PTPRH: variants seen among roughly 807,000 people sequenced by gnomAD.
The protein encoded by PTPRH is protein tyrosine phosphatase receptor type H, also known as receptor-type tyrosine-protein phosphatase H.
In PTPRH, 113 loss-of-function variants were observed where a neutral mutation model predicts 130.2. That is an observed-to-expected ratio of 0.87 (90% CI 0.75 to 1.01). The LOEUF is 1.01. Ranked by LOEUF, PTPRH falls within the 50% of genes least tolerant of loss-of-function variation. PTPRH has a pLI of 0.00. For missense variants in PTPRH, 1,430 were observed against 1,425.0 expected, an observed-to-expected ratio of 1.00 and a Z score of -0.06; for synonymous variants, 556 against 577.9, an observed-to-expected ratio of 0.96 and a Z score of 0.54.
At position 55,204,641 on chromosome 19, in the gene PTPRH, C is replaced by G. The variant is rs76627461; in HGVS notation, c.620-593G>C. Among the ~76,000 whole-genome samples, 4 of 151,964 alleles carry G rather than the reference C, an allele frequency of 2.6e-5. No individual in the cohort carries two copies. In the East Asian group the frequency reaches 7.7e-4, roughly 29 times the overall value. ...TCACTTGCCAATGTATTTCCATCAG[C>G]TCTCAGAGACCCGGATGCTGCCCAC... On this transcript the variant is annotated intron_variant, in intron 4 of 19. Transcript: ENST00000376350.
intron 12 of PTPRH, chr19:55,189,843 A>C: frequency 2.3e-6 from 1 of 426,706 alleles, no homozygotes; most frequent in South Asian, 1.7e-5. Context: ...AAAATTAAAA[A>C]ATTAGCCAGG....
In PTPRH at chr19:55,183,144, C is replaced by T. The variant is rs552765740; in HGVS notation, c.3063-993G>A. Among the ~76,000 whole-genome samples the T allele has an allele frequency of 4.0e-5, 6 of 148,188 alleles. No individual in the cohort carries two copies. The South Asian group carries it at 1.3e-3, about 32-fold the overall frequency. On this transcript the variant is annotated intron_variant, in intron 18 of 19. Transcript: ENST00000376350. The stretch of plus-strand genomic sequence containing the variant: ...GGCACAGTGGCTCACGCCTGTAATC[C>T]CAGCACTTTGGGAGGCTGAGGTGGG...
rs377115239 is a variant in PTPRH, at chr19:55,202,270, G to A, written c.939C>T (p.Ile313=). The stretch of plus-strand genomic sequence containing the variant: ...CATCGGGGACCTCCCAGGTCAGGGC[G>A]ATGGAGCTGTTGGTCTGAGCCTCCA... The part of the protein sequence containing the change: ...LTVEAQTNSS[I]ALTWEVPDGP... Residue 313 remains isoleucine (I), a synonymous_variant, in exon 6 of 20, where the codon ATC becomes ATT. Transcript: ENST00000376350. The A allele has an allele frequency of 1.5e-5, 25 of 1,614,220 alleles. No homozygotes were observed. Among genetic ancestry groups the A allele is most frequent in the African/African-American group, 9.3e-5 (7 of 75,068 alleles).
At chr19:55,190,936 G>A (rs1415261360) in intron 12 of PTPRH, among the ~76,000 whole-genome samples, 1 of 152,096 alleles carries the variant, frequency 6.6e-6, no homozygotes, top group African/African-American at 2.4e-5. Flanking sequence ...CTACCTCCCA[G>A]GTTCACGCCA....
At position 55,189,602 on chromosome 19, in the gene PTPRH, G is replaced by A. The variant is rs763241771; in HGVS notation, c.2385-1434C>T. 2.0e-5 allele frequency: 9 copies of A among 440,226 alleles called. No homozygotes were observed. The East Asian group carries it at 2.9e-4, about 14-fold the overall frequency. The allele number at this position is 440,226 out of a possible 1,614,324, so 27.3% of individuals were successfully genotyped here. ...GAGCGCCTTTCCCAGATGCATGCTC[G>A]GCTCCTCTCCCACTTGCGTAGGCCT... On this transcript the variant is annotated intron_variant, in intron 12 of 19. Coordinates refer to ENST00000376350, the MANE Select transcript of PTPRH (RefSeq NM_002842.5).
rs932203607 is a variant in PTPRH at position 55,204,029 on chromosome 19, G to T, written c.639C>A (p.Asn213Lys). The change falls in exon 5 of 20, where the codon AAC (asparagine) becomes AAA (lysine). Residue 213 changes from asparagine (N) to lysine (K), a missense_variant. By Grantham distance (94) the Asn-to-Lys change is moderately conservative. Coordinates refer to ENST00000376350, the MANE Select transcript of PTPRH (RefSeq NM_002842.5). ...TGGTGGTCTGAGCCTCCACTCTCAG[G>T]TTCCTCACTGGGTTGTGAGCTGAGA... ...NATTAHNPVRNLRVEAQTTSS... is the reference protein window; with the variant it reads ...NATTAHNPVRKLRVEAQTTSS... The T allele has an allele frequency of 6.2e-7, 1 of 1,613,848 alleles. No individual in the cohort carries two copies. The highest frequency in any genetic ancestry group is 8.5e-7 in the Non-Finnish European group (1 of 1,179,800).
At chr19:55,191,055 G>A (rs2086521054) in intron 12 of PTPRH, among the ~76,000 whole-genome samples, 1 of 152,128 alleles carries the variant, frequency 6.6e-6, no homozygotes, top group South Asian at 2.1e-4. Flanking sequence ...CGTTAGCCAG[G>A]ATGGTCTTGA....
chr19:55,195,290 A>T (rs1386577341), intron 10 of PTPRH, among the ~76,000 whole-genome samples: 1 of 152,102 alleles, frequency 6.6e-6, no homozygotes, highest in Admixed American at 6.6e-5. Context: ...GCACCACTGC[A>T]CTCCAGCCTG....
At chr19:55,193,038 G>C (rs762225946) in intron 10 of PTPRH, among the ~76,000 whole-genome samples, 4 of 151,616 alleles carry the variant, frequency 2.6e-5, no homozygotes, top group Non-Finnish European at 2.9e-5. Context: ...AGACCAGCCT[G>C]GGCAACATAA....
chr19:55,202,944 CAGG>C (rs1296632235), intron 5 of PTPRH, among the ~76,000 whole-genome samples: 2 of 151,720 alleles, frequency 1.3e-5, no homozygotes, highest in African/African-American at 4.8e-5. Context: ...GAGGCTGAGG[CAGG>C]AGAATACTTG....
chr19:55,205,170 C>T (rs780622550), intron 4 of PTPRH, among the ~76,000 whole-genome samples, 156 bp downstream of exon 4: 3 of 152,308 alleles, frequency 2.0e-5, no homozygotes, highest in Admixed American at 6.5e-5. Context: ...ACATTCATTC[C>T]TTCTTCATCT....
rs1201673812 is a variant in PTPRH at position 55,187,717 on chromosome 19, C to T, written c.2476-114G>A. On this transcript the variant is annotated intron_variant, in intron 13 of 19. Coordinates refer to ENST00000376350, the MANE Select transcript of PTPRH (RefSeq NM_002842.5). Reference sequence around the variant, plus strand: ...CATCACCCCTTGTTTATTCGTTGCACCCTGAGATTATATGGCACCCACAAA... The same window carrying T: ...CATCACCCCTTGTTTATTCGTTGCATCCTGAGATTATATGGCACCCACAAA... 1.2e-5 allele frequency: 9 copies of T among 755,692 alleles called. No homozygotes were observed. The East Asian group carries it at 2.4e-4, about 20-fold the overall frequency. 46.8% of individuals were successfully genotyped at this position (755,692 alleles called of 1,614,324 possible). A position where few individuals can be genotyped will look rare whatever the true frequency, so the allele number is the denominator to read the frequency against.
chr19:55,187,126 A>G (rs1599983228), intron 14 of PTPRH, among the ~76,000 whole-genome samples: 1 of 151,306 alleles, frequency 6.6e-6, no homozygotes, highest in Non-Finnish European at 1.5e-5. Context: ...CGGGCAGATC[A>G]CAAGGTCAGG....
At chr19:55,206,981 C>T (rs1319973747) in intron 2 of PTPRH, 26 bp from the exon 3 acceptor site, 1 of 1,564,786 alleles carries the variant, frequency 6.4e-7, no homozygotes, top group African/African-American at 1.4e-5. Flanking sequence ...GAAGGTCTGA[C>T]AAAAAGGGAA....
intron 18 of PTPRH, among the ~76,000 whole-genome samples, chr19:55,184,141 G>A (rs562242799): frequency 4.0e-5 from 6 of 151,364 alleles, no homozygotes; most frequent in South Asian, 4.2e-4. Flanking sequence ...AAAATTAGCC[G>A]GGCGTGGTGG....
At position 55,186,336 on chromosome 19, in the gene PTPRH, G is replaced by A; in HGVS notation, c.2667C>T (p.Phe889=). ...FMPGLWSPQE[F]IATQGPLPQT... Reference sequence around the variant, plus strand: ...GTGGCAGGGGACCCTGGGTTGCAATGAACTCCTGGGGGCTCCAGAGACCCT... The same window carrying A: ...GTGGCAGGGGACCCTGGGTTGCAATAAACTCCTGGGGGCTCCAGAGACCCT... The change falls in exon 16 of 20, where the codon TTC becomes TTT. Residue 889 remains phenylalanine, a synonymous_variant. Transcript: ENST00000376350. 5 of 1,614,040 alleles carry A rather than the reference G, an allele frequency of 3.1e-6. No individual in the cohort carries two copies. Among genetic ancestry groups the A allele is most frequent in the Non-Finnish European group, 4.2e-6 (5 of 1,179,960 alleles).
At position 55,205,264 on chromosome 19, in the gene PTPRH, C is replaced by T. The variant is rs187162298; in HGVS notation, c.619+62G>A. ...GGGACTATGGAATAGAAATCCGCTA[C>T]GTTCTCCTGCCTACTGCCCCTTAAA... On this transcript the variant is annotated intron_variant, in intron 4 of 19. Transcript: ENST00000376350. 347 of 1,597,922 alleles carry T rather than the reference C, an allele frequency of 2.2e-4. 1 individual carries two copies. The African/African-American group carries it at 4.0e-3, about 18-fold the overall frequency.
At chr19:55,200,966 A>AACG (rs2086846405) in intron 6 of PTPRH, among the ~76,000 whole-genome samples, 1 of 94,358 alleles carries the variant, frequency 1.1e-5, no homozygotes, top group African/African-American at 4.2e-5. Flanking sequence ...AAAACAAACA[A>AACG]AAAAAACAAA....
Position 55,202,293 on chromosome 19 carries a change from C to G in PTPRH, c.916G>C (p.Glu306Gln), listed in dbSNP as rs140788530. 3.0e-4 allele frequency: 486 copies of G among 1,614,190 alleles called. 1 individual carries two copies. Among genetic ancestry groups the G allele is most frequent in the Middle Eastern group, 2.0e-3 (12 of 6,062 alleles). Residue 306 changes from glutamate to glutamine, a missense_variant, in exon 6 of 20, where the codon GAG (glutamate) becomes CAG (glutamine). Physicochemically the swap from Glu to Gln is conservative, Grantham distance 29 (BLOSUM62 2). Coordinates refer to ENST00000376350, the MANE Select transcript of PTPRH (RefSeq NM_002842.5). ...GCGATGGAGCTGTTGGTCTGAGCCT[C>G]CACTGTCAGGTTTCTCACTGGGTTG... ...APNPVRNLTV[E>Q]AQTNSSIALT...
Sources: allele counts gnomAD v4.1 joint callset (sites outside exome capture counted in the v4.1 genomes callset), GRCh38; gene constraint gnomAD v4.1.1; transcripts MANE v1.5; gene names NCBI Gene and HGNC (gene_info 2026-07-23, HGNC 2026-07-21).